The following TBC1D5 variants were observed in gnomAD, a reference collection of about 807,000 sequenced individuals.
TBC1D5 encodes the protein TBC1 domain family member 5, also known as TBC1 domain family, member 5.
In TBC1D5, 75 loss-of-function variants were observed where a neutral mutation model predicts 100.3. The observed-to-expected ratio is 0.75, with a 90% CI of 0.62 to 0.91. The LOEUF is 0.91. TBC1D5 is among the 40% of genes least tolerant of loss of function. The pLI, the probability that TBC1D5 is intolerant of heterozygous loss-of-function variation, is 0.00. For missense variants in TBC1D5, 910 were observed against 942.4 expected (o/e 0.97, Z 0.45); for synonymous variants, 323 against 325.6 (o/e 0.99, Z 0.09).
chr3:17,538,769 T>C (rs1222874380), intron 2 of TBC1D5, among the ~76,000 whole-genome samples: 1 of 152,202 alleles, frequency 6.6e-6, no homozygotes, highest in Non-Finnish European at 1.5e-5. Context: ...TCGGGCATGG[T>C]GGCTCATGCC....
chr3:17,319,964 T>C (rs1402689084), intron 13 of TBC1D5, among the ~76,000 whole-genome samples: 1 of 152,214 alleles, frequency 6.6e-6, no homozygotes, highest in Non-Finnish European at 1.5e-5. Flanking sequence ...TAAACATATA[T>C]ACAAATAAAT....
chr3:17,162,070 C>T (rs908442194), intron 21 of TBC1D5, among the ~76,000 whole-genome samples: 4 of 152,142 alleles, frequency 2.6e-5, no homozygotes, highest in Non-Finnish European at 4.4e-5. Flanking sequence ...TAAAGGTTTT[C>T]GGTTAGCAAA....
chr3:17,720,770 G>C (rs1003112107), intron 1 of TBC1D5, among the ~76,000 whole-genome samples: 1 of 152,012 alleles, frequency 6.6e-6, no homozygotes, highest in African/African-American at 2.4e-5. Context: ...AGAAGTGATA[G>C]CGCCACTACC....
chr3:17,578,845 T>C (rs2096673875), intron 2 of TBC1D5, among the ~76,000 whole-genome samples: 1 of 152,044 alleles, frequency 6.6e-6, no homozygotes. Context: ...TGCTAACATA[T>C]TTCTAAGTCT....
At chr3:17,198,894 A>C (rs2071080186) in intron 18 of TBC1D5, among the ~76,000 whole-genome samples, 1 of 152,230 alleles carries the variant, frequency 6.6e-6, no homozygotes, top group Non-Finnish European at 1.5e-5. Flanking sequence ...GTATTGATTA[A>C]AACATTCTCC....
intron 13 of TBC1D5, among the ~76,000 whole-genome samples, chr3:17,348,654 T>G (rs2090201898): frequency 2.6e-5 from 4 of 152,136 alleles, no homozygotes; most frequent in African/African-American, 9.7e-5. Flanking sequence ...GCCACAGTAG[T>G]TAATCATAAA....
At chr3:17,331,520 T>C (rs1271127155) in intron 13 of TBC1D5, among the ~76,000 whole-genome samples, 7 of 152,196 alleles carry the variant, frequency 4.6e-5, no homozygotes, top group Non-Finnish European at 8.8e-5. Context: ...TTGCATGAGA[T>C]AACTTTTAAA....
intron 1 of TBC1D5, among the ~76,000 whole-genome samples, chr3:17,689,802 C>T (rs1297235934): frequency 6.6e-6 from 1 of 152,108 alleles, no homozygotes; most frequent in Non-Finnish European, 1.5e-5. Context: ...AGAAATATAA[C>T]TTGCATCTGG....
At chr3:17,401,510 C>A (rs112266051) in intron 8 of TBC1D5, among the ~76,000 whole-genome samples, 13,862 of 151,956 alleles carry the variant, frequency 0.091, 1,425 homozygotes, top group African/African-American at 0.26. Context: ...GTTCGAACTA[C>A]GTAACTAAAA....
At chr3:17,673,436 G>C (rs1013494142) in intron 1 of TBC1D5, among the ~76,000 whole-genome samples, 1 of 148,470 alleles carries the variant, frequency 6.7e-6, no homozygotes, top group Admixed American at 6.8e-5. Context: ...TCAGCCTCCC[G>C]AGTACCTGAG....
At chr3:17,612,150 A>T (rs1196265406) in intron 2 of TBC1D5, among the ~76,000 whole-genome samples, 1 of 151,894 alleles carries the variant, frequency 6.6e-6, no homozygotes, top group Non-Finnish European at 1.5e-5. Context: ...AAATAAAAAA[A>T]TTAGCTGGGT....
chr3:17,201,462 T>C (rs181624674), intron 18 of TBC1D5, among the ~76,000 whole-genome samples: 11 of 152,230 alleles, frequency 7.2e-5, no homozygotes, highest in African/African-American at 2.4e-4. Flanking sequence ...GGAGGGTAAA[T>C]AGCAGAGATC....
At chr3:17,696,555 A>G (rs1353941700) in intron 1 of TBC1D5, among the ~76,000 whole-genome samples, 1 of 152,208 alleles carries the variant, frequency 6.6e-6, no homozygotes, top group African/African-American at 2.4e-5. Flanking sequence ...TAAACCAGCA[A>G]GAAGTTGAAT....
intron 14 of TBC1D5, among the ~76,000 whole-genome samples, chr3:17,301,405 T>C (rs2082820929): frequency 1.3e-5 from 2 of 152,240 alleles, no homozygotes; most frequent in Non-Finnish European, 2.9e-5. Flanking sequence ...GTTCTAAGAA[T>C]GAGACTAGCA....
At chr3:17,239,477 T>C (rs1332322567) in intron 16 of TBC1D5, among the ~76,000 whole-genome samples, 1 of 152,194 alleles carries the variant, frequency 6.6e-6, no homozygotes, top group African/African-American at 2.4e-5. Context: ...TTTCTTCCTC[T>C]ACTTATAACA....
At chr3:17,381,509 A>T (rs2092944586) in intron 9 of TBC1D5, among the ~76,000 whole-genome samples, 1 of 152,104 alleles carries the variant, frequency 6.6e-6, no homozygotes, top group Non-Finnish European at 1.5e-5. Flanking sequence ...AAAATCCTGG[A>T]ATCTGTGATA....
intron 18 of TBC1D5, among the ~76,000 whole-genome samples, chr3:17,204,060 T>C (rs1306665175): frequency 6.6e-6 from 1 of 152,212 alleles, no homozygotes; most frequent in Non-Finnish European, 1.5e-5. Flanking sequence ...CCATTCTTTC[T>C]GCAATGAAAG....
At chr3:17,157,644 A>G (rs1199896169) in exon 22 of TBC1D5, 4 of 152,282 alleles carry the variant, frequency 2.6e-5, no homozygotes, top group Admixed American at 2.0e-4. Flanking sequence ...CGGCCACTCT[A>G]TGTGGGGACC....
intron 2 of TBC1D5, among the ~76,000 whole-genome samples, chr3:17,527,668 G>C (rs1023754451): frequency 1.3e-5 from 2 of 151,976 alleles, no homozygotes; most frequent in East Asian, 1.9e-4. Flanking sequence ...ATATGAGAAA[G>C]TACAAAATAA....
Sources: allele counts gnomAD v4.1 joint callset (sites outside exome capture counted in the v4.1 genomes callset), GRCh38; gene constraint gnomAD v4.1.1; transcripts MANE v1.5; gene names NCBI Gene and HGNC (gene_info 2026-07-23, HGNC 2026-07-21).